The following PTPRN2 variants were observed in gnomAD, a reference collection of about 807,000 sequenced individuals.
The protein encoded by PTPRN2 is protein tyrosine phosphatase receptor type N2.
In PTPRN2, 74 loss-of-function variants were observed where a neutral mutation model predicts 118.8. The observed-to-expected ratio is 0.62, with a 90% CI of 0.52 to 0.76. The LOEUF (loss-of-function observed/expected upper bound fraction) is 0.76. Among genes scored for constraint, PTPRN2 ranks in the 30% least tolerant of loss-of-function variants. The probability of loss-of-function intolerance (pLI) is 0.00; values close to 1 mark genes in which losing one functional copy is unlikely to be tolerated. For missense variants in PTPRN2, 1,481 were observed against 1,394.4 expected, an observed-to-expected ratio of 1.06 and a Z score of -0.99; for synonymous variants, 641 against 608.0, an observed-to-expected ratio of 1.05 and a Z score of -0.80.
rs74856904 is a variant in PTPRN2, at chr7:157,888,227, C to A, written c.1788+10446G>T. Among the ~76,000 whole-genome samples, 1,742 of 152,154 alleles carry A rather than the reference C, an allele frequency of 0.011. 143 individuals are homozygous for A. The East Asian group carries it at 0.22, about 20-fold the overall frequency. ...TGAGATGTAGGGTTCAGTGGTCCCC[C>A]CAGGCTTCTATCCTTGGTGTGACCC... On this transcript the variant is annotated intron_variant, in intron 12 of 22. Transcript: ENST00000389418.
intron 1 of PTPRN2, among the ~76,000 whole-genome samples, chr7:158,568,528 G>C (rs1358587885): frequency 1.3e-5 from 2 of 151,898 alleles, no homozygotes; most frequent in African/African-American, 4.8e-5. Context: ...CAGGAAAAGA[G>C]GGTCTTCAAA....
At chr7:158,147,205 T>C (rs1238579506) in intron 6 of PTPRN2, among the ~76,000 whole-genome samples, 1 of 24,182 alleles carries the variant, frequency 4.1e-5, no homozygotes. Context: ...TCACGCCACG[T>C]GTCTTTCCCC....
chr7:157,968,135 G>A (rs920977703), intron 11 of PTPRN2, among the ~76,000 whole-genome samples: 2 of 152,122 alleles, frequency 1.3e-5, no homozygotes, highest in Non-Finnish European at 2.9e-5. Context: ...TTGTGGGGGT[G>A]GCACCTGACT....
In PTPRN2 at chr7:157,915,417, T is replaced by C. The variant is rs1181924220; in HGVS notation, c.1724-16680A>G. Among the ~76,000 whole-genome samples, 2 of 152,026 alleles carry C rather than the reference T, an allele frequency of 1.3e-5. 1 individual carries two copies. Among genetic ancestry groups the C allele is most frequent in the Non-Finnish European group, 2.9e-5 (2 of 68,018 alleles). On this transcript the variant is annotated intron_variant, in intron 11 of 22. Coordinates refer to ENST00000389418, the MANE Select transcript of PTPRN2 (RefSeq NM_002847.5). ...CCCTGTGAAGCTTGGCTGTGGTTAA[T>C]GTCCTAAGGGAAAATGCCACCCCCC... is the stretch of plus-strand genomic sequence containing the variant.
At chr7:158,073,617 C>T (rs1812112205) in intron 11 of PTPRN2, among the ~76,000 whole-genome samples, 2 of 150,388 alleles carry the variant, frequency 1.3e-5, no homozygotes. Context: ...AGACACTGCC[C>T]TTTCTATGCG....
chr7:158,553,488 G>A (rs1826794121), intron 1 of PTPRN2, among the ~76,000 whole-genome samples: 1 of 150,422 alleles, frequency 6.6e-6, no homozygotes, highest in South Asian at 2.1e-4. Flanking sequence ...CACCTTTCCT[G>A]TCTACACCAC....
rs907083688 is a variant in PTPRN2 at position 158,136,029 on chromosome 7, C to T, written c.1173+626G>A. On this transcript the variant is annotated intron_variant, in intron 8 of 22. Coordinates refer to ENST00000389418, the MANE Select transcript of PTPRN2 (RefSeq NM_002847.5). ...AGGCCAGTGTCTAGCTCGTGGACAT[C>T]GCCTGCGACTGGGCCCTTCTTCTGA... Among the ~76,000 whole-genome samples the T allele has an allele frequency of 2.6e-5, 4 of 152,308 alleles. No homozygotes were observed. The East Asian group carries it at 5.8e-4, about 22-fold the overall frequency.
intron 1 of PTPRN2, among the ~76,000 whole-genome samples, chr7:158,582,796 CAAAAAAAAAAAAAA>C (rs1156687117): frequency 4.5e-5 from 2 of 44,296 alleles, no homozygotes; most frequent in African/African-American, 1.5e-4. Context: ...GACTCCATCT[CAAAAAAAAAAAAAA>C]AAAAAAAAAA....
chr7:158,160,809 C>G (rs756045818), intron 6 of PTPRN2, among the ~76,000 whole-genome samples: 2 of 152,142 alleles, frequency 1.3e-5, no homozygotes, highest in Non-Finnish European at 2.9e-5. Flanking sequence ...ATGCAACTGT[C>G]GTCAAGATAT....
At chr7:158,250,903 C>A (rs1053898612) in intron 3 of PTPRN2, among the ~76,000 whole-genome samples, 2 of 152,016 alleles carry the variant, frequency 1.3e-5, no homozygotes, top group Non-Finnish European at 2.9e-5. Context: ...TTCGCTTATT[C>A]TTAAAGTGTT....
At chr7:158,500,258 C>T (rs556132841) in intron 1 of PTPRN2, among the ~76,000 whole-genome samples, 23 of 152,288 alleles carry the variant, frequency 1.5e-4, no homozygotes, top group African/African-American at 4.6e-4. Context: ...GGATATGCCA[C>T]GTGAGACCTT....
At chr7:157,927,793 G>A (rs1799113543) in intron 11 of PTPRN2, among the ~76,000 whole-genome samples, 1 of 152,050 alleles carries the variant, frequency 6.6e-6, no homozygotes, top group South Asian at 2.1e-4. Flanking sequence ...GAGTTCTGCT[G>A]TGAACCCTCT....
intron 12 of PTPRN2, among the ~76,000 whole-genome samples, chr7:157,858,081 C>G (rs891264878): frequency 1.7e-5 from 2 of 116,824 alleles, no homozygotes; most frequent in Non-Finnish European, 3.7e-5. Context: ...GGGAGAACCC[C>G]GTCACCACCC....
intron 6 of PTPRN2, among the ~76,000 whole-genome samples, chr7:158,149,746 G>A (rs951299733): frequency 6.6e-6 from 1 of 151,500 alleles, no homozygotes; most frequent in African/African-American, 2.4e-5. Context: ...GGAGGTTGCG[G>A]TGAGCTGAGA....
At chr7:158,551,436 T>C (rs567738316) in intron 1 of PTPRN2, among the ~76,000 whole-genome samples, 1 of 151,288 alleles carries the variant, frequency 6.6e-6, no homozygotes, top group Non-Finnish European at 1.5e-5. Context: ...ATGCATGCAC[T>C]TGGGGGGCCC....
At chr7:158,367,581 A>G (rs10234501) in intron 2 of PTPRN2, among the ~76,000 whole-genome samples, 6,471 of 152,256 alleles carry the variant, frequency 0.043, 453 homozygotes, top group African/African-American at 0.15. Flanking sequence ...ACCATGGGTT[A>G]GCTCTCCGCG....
At chr7:157,851,407 A>G (rs896568684) in intron 12 of PTPRN2, among the ~76,000 whole-genome samples, 7 of 152,208 alleles carry the variant, frequency 4.6e-5, no homozygotes, top group African/African-American at 1.7e-4. Context: ...AGTCTGATGG[A>G]AAGTCTCTGA....
intron 12 of PTPRN2, among the ~76,000 whole-genome samples, chr7:157,848,265 C>T (rs1449061966): frequency 1.4e-5 from 2 of 146,832 alleles, no homozygotes; most frequent in African/African-American, 5.1e-5. Flanking sequence ...ATCATGTGTG[C>T]CTGATGTTTA....
chr7:158,457,735 A>ATTTACACCCT (rs1451130652), intron 2 of PTPRN2, among the ~76,000 whole-genome samples: 1 of 141,788 alleles, frequency 7.1e-6, no homozygotes, highest in Admixed American at 6.9e-5. Flanking sequence ...CAAGTTCATT[A>ATTTACACCCT]GCAAAGGTGC....
Sources: gnomAD v4.1 joint callset for allele counts (sites outside exome capture counted in the v4.1 genomes callset) on GRCh38, gnomAD v4.1.1 for gene constraint, MANE v1.5 for transcripts, NCBI Gene and HGNC (gene_info 2026-07-23, HGNC 2026-07-21) for gene names.